Variants in TFRC observed in about 807,000 individuals in gnomAD.
TFRC encodes the protein transferrin receptor, also known as transferrin receptor protein 1.
A neutral mutation model predicts 85.8 loss-of-function variants in TFRC; 35 were observed. That is an observed-to-expected ratio of 0.41 (90% CI 0.31 to 0.54). TFRC has a LOEUF of 0.54. Among genes scored for constraint, TFRC ranks in the 20% least tolerant of loss-of-function variants. TFRC has a pLI of 0.31. For synonymous variants in TFRC, 362 were observed against 328.6 expected, an observed-to-expected ratio of 1.10 and a Z score of -1.10; for missense variants, 828 against 921.5, an observed-to-expected ratio of 0.90 and a Z score of 1.31.
chr3:196,081,983 AG>A (rs1719228752), intron 1 of TFRC, 59 bp downstream of exon 1: 1 of 152,362 alleles, frequency 6.6e-6, no homozygotes, highest in South Asian at 2.1e-4. Flanking sequence ...CGCTCCAGCC[AG>A]CCCCGCAGGA....
At chr3:196,073,882 A>T (rs1156425490) in intron 4 of TFRC, 48 bp downstream of exon 4, 1 of 1,564,898 alleles carries the variant, frequency 6.4e-7, no homozygotes, top group Non-Finnish European at 8.7e-7. Context: ...GGCCTATCAT[A>T]ATTCTTGAAT....
intron 17 of TFRC, among the ~76,000 whole-genome samples, chr3:196,054,539 T>C (rs919396948): frequency 1.3e-5 from 2 of 152,248 alleles, no homozygotes; most frequent in Non-Finnish European, 2.9e-5. Context: ...TACTTTAATA[T>C]TAGTTTTATT....
chr3:196,058,701 T>C (rs536399211), intron 14 of TFRC, 69 bp from the exon 15 acceptor site: 14 of 1,049,312 alleles, frequency 1.3e-5, no homozygotes, highest in Non-Finnish European at 2.0e-5. Context: ...GTCACTAACA[T>C]GTTACTCTAT....
rs758493267 is a variant in TFRC, at chr3:196,064,433, A to G, written c.1199-5T>C. Reference sequence around the variant, plus strand: ...CCCCAACTACAACATAGTGATCTTTAAAAAAGAAAAAAGAGGAAGAAAGAA... The same window carrying G: ...CCCCAACTACAACATAGTGATCTTTGAAAAAGAAAAAAGAGGAAGAAAGAA... On this transcript the variant is annotated splice_polypyrimidine_tract_variant and splice_region_variant and intron_variant, in intron 10 of 18. Transcript: ENST00000360110. The G allele has an allele frequency of 6.4e-7, 1 of 1,572,902 alleles. No individual in the cohort carries two copies. Among genetic ancestry groups the G allele is most frequent in the East Asian group, 2.3e-5 (1 of 44,346 alleles).
intron 13 of TFRC, among the ~76,000 whole-genome samples, chr3:196,061,627 T>C (rs1366518958): frequency 6.6e-6 from 1 of 152,068 alleles, no homozygotes; most frequent in Non-Finnish European, 1.5e-5. Flanking sequence ...GTAGCTGGGA[T>C]TACAGGTACT....
rs1322961500 is a variant in TFRC, at chr3:196,049,360, A to C, written c.*2582T>G. On this transcript the variant is annotated 3_prime_UTR_variant, in exon 19 of 19. Transcript: ENST00000360110. ...ACATAACAGCTTTTATACAATGATAAGGACATATCATTTGTTTACAAAGAA... is the reference window on the plus strand; with the variant it reads ...ACATAACAGCTTTTATACAATGATACGGACATATCATTTGTTTACAAAGAA... 2.5e-5 allele frequency: 5 copies of C among 197,258 alleles called. No homozygotes were observed. The allele number at this position is 197,258 out of a possible 1,614,324, so 12.2% of individuals were successfully genotyped here. A position where few individuals can be genotyped will look rare whatever the true frequency, so the allele number is the denominator to read the frequency against.
At chr3:196,068,895 C>T (rs1717956403) in intron 7 of TFRC, among the ~76,000 whole-genome samples, 1 of 142,920 alleles carries the variant, frequency 7.0e-6, no homozygotes, top group Admixed American at 7.3e-5. Flanking sequence ...CACGCCACTG[C>T]ACTCCAGCCA....
chr3:196,062,210 C>T (rs528937), intron 13 of TFRC, among the ~76,000 whole-genome samples: 44,522 of 150,596 alleles, frequency 0.3, 7,263 homozygotes, highest in Non-Finnish European at 0.37. Context: ...ACAGTGAGAC[C>T]CTGTCTCAAA....
At chr3:196,070,611 A>T (rs1718108705) in intron 6 of TFRC, among the ~76,000 whole-genome samples, 1 of 151,670 alleles carries the variant, frequency 6.6e-6, no homozygotes. Context: ...TTTCTGTGTT[A>T]ATTTGACTAT....
At chr3:196,052,756 C>T (rs1164735742) in intron 18 of TFRC, among the ~76,000 whole-genome samples, 1 of 151,948 alleles carries the variant, frequency 6.6e-6, no homozygotes, top group African/African-American at 2.4e-5. Flanking sequence ...ATCAGACTTT[C>T]TATAGCAGAG....
At chr3:196,070,774 A>AAATAAT (rs58386151) in intron 6 of TFRC, among the ~76,000 whole-genome samples, 3,876 of 135,760 alleles carry the variant, frequency 0.029, 81 homozygotes, top group Non-Finnish European at 0.032. Context: ...TGTCTCTACC[A>AAATAAT]AATAATAATA....
At chr3:196,081,820 AC>A (rs1340920206) in intron 1 of TFRC, 1 of 150,624 alleles carries the variant, frequency 6.6e-6, no homozygotes, top group Non-Finnish European at 1.5e-5. Flanking sequence ...ACAGCCGCCG[AC>A]CCCGTGTACC....
intron 1 of TFRC, among the ~76,000 whole-genome samples, chr3:196,080,263 C>A (rs949716913): frequency 3.3e-5 from 5 of 152,216 alleles, no homozygotes; most frequent in African/African-American, 1.2e-4. Context: ...ACCACCATGC[C>A]CAGCTAATTT....
Position 196,051,375 on chromosome 3 carries a change from T to C in TFRC, c.*567A>G. The C allele has an allele frequency of 4.6e-6, 1 of 219,156 alleles. No individual in the cohort carries two copies. Among genetic ancestry groups the C allele is most frequent in the Middle Eastern group, 1.4e-3 (1 of 694 alleles). 13.6% of individuals were successfully genotyped at this position (219,156 alleles called of 1,614,324 possible). ...CAATCAACAGTTGAACCTCATTTTA[T>C]CCAGCAGAAGGACCTCCATTTCAGA... On this transcript the variant is annotated 3_prime_UTR_variant, in exon 19 of 19. Coordinates refer to ENST00000360110, the MANE Select transcript of TFRC (RefSeq NM_001128148.3).
At chr3:196,053,822 T>G (rs529770082) in intron 17 of TFRC, among the ~76,000 whole-genome samples, 4 of 152,350 alleles carry the variant, frequency 2.6e-5, no homozygotes, top group African/African-American at 9.6e-5. Context: ...TGTTTCCAGT[T>G]CAATTCTCCT....
At chr3:196,081,587 C>A (rs1310040348) in intron 1 of TFRC, among the ~76,000 whole-genome samples, 1 of 152,226 alleles carries the variant, frequency 6.6e-6, no homozygotes, top group Non-Finnish European at 1.5e-5. Context: ...CGCAGCTGCA[C>A]CTTGGCTGCG....
chr3:196,049,766 T>C lies in TFRC; in HGVS notation c.*2176A>G, dbSNP rs1301725581. On this transcript the variant is annotated 3_prime_UTR_variant, in exon 19 of 19. Transcript: ENST00000360110. ...GAATCTCAGCTATGACCTTTTCACTTAGCTACGCTAAATGTCAGTCCAAGA... is the reference window on the plus strand; with the variant it reads ...GAATCTCAGCTATGACCTTTTCACTCAGCTACGCTAAATGTCAGTCCAAGA... 1 of 230,160 alleles carries C rather than the reference T, an allele frequency of 4.3e-6. No homozygotes were observed. Among genetic ancestry groups the C allele is most frequent in the Non-Finnish European group, 8.6e-6 (1 of 116,194 alleles). The allele number at this position is 230,160 out of a possible 1,614,324, so 14.3% of individuals were successfully genotyped here. A position where few individuals can be genotyped will look rare whatever the true frequency, so the allele number is the denominator to read the frequency against.
chr3:196,077,849 G>A (rs921667343), intron 1 of TFRC, among the ~76,000 whole-genome samples: 1 of 152,140 alleles, frequency 6.6e-6, no homozygotes, highest in Middle Eastern at 3.2e-3. Context: ...TCTCCAATGG[G>A]AAGGGGAAGA....
At position 196,068,139 on chromosome 3, in the gene TFRC, A is replaced by C. The variant is rs1324919285; in HGVS notation, c.802-9T>G. On this transcript the variant is annotated splice_polypyrimidine_tract_variant and intron_variant, in intron 7 of 18. Transcript: ENST00000360110. Reference sequence around the variant, plus strand: ...CTTTCAGCATTTGCAACCTAAAAGAAAACATATAAAGCTCAGAAAATGAAG... The same window carrying C: ...CTTTCAGCATTTGCAACCTAAAAGACAACATATAAAGCTCAGAAAATGAAG... The C allele has an allele frequency of 3.7e-6, 6 of 1,600,806 alleles. No individual in the cohort carries two copies. In the African/African-American group the frequency reaches 8.1e-5, roughly 21 times the overall value.
Sources: gnomAD v4.1 joint callset for allele counts (sites outside exome capture counted in the v4.1 genomes callset) on GRCh38, gnomAD v4.1.1 for gene constraint, MANE v1.5 for transcripts, NCBI Gene and HGNC (gene_info 2026-07-23, HGNC 2026-07-21) for gene names.